Variants in CPS1 observed in about 807,000 individuals in gnomAD.
The protein encoded by CPS1 is carbamoyl-phosphate synthase 1.
Under a neutral mutation model 174.6 loss-of-function variants are expected in CPS1, and 109 were observed. The observed-to-expected ratio is 0.62, with a 90% confidence interval of 0.53 to 0.73. The LOEUF (loss-of-function observed/expected upper bound fraction) is 0.73, where lower values mean the gene tolerates loss of function less well. Among genes scored for constraint, CPS1 ranks in the 30% least tolerant of loss-of-function variants. CPS1 has a pLI of 0.00. For missense variants in CPS1, 1,689 were observed against 1,821.9 expected, an observed-to-expected ratio of 0.93 and a Z score of 1.33; for synonymous variants, 637 against 632.0, an observed-to-expected ratio of 1.01 and a Z score of -0.12.
At chr2:210,657,806 T>C (rs1006047700) in intron 30 of CPS1, among the ~76,000 whole-genome samples, 1 of 152,198 alleles carries the variant, frequency 6.6e-6, no homozygotes, top group South Asian at 2.1e-4. Context: ...CAGGATACTT[T>C]GTAATAGCAG....
At chr2:210,587,440 A>G (rs1021027122) in intron 6 of CPS1, among the ~76,000 whole-genome samples, 2 of 152,062 alleles carry the variant, frequency 1.3e-5, no homozygotes, top group African/African-American at 4.8e-5. Flanking sequence ...CGTGCTTCAG[A>G]CATAGATAAT....
At chr2:210,531,249 A>T (rs568768217) in intron 1 of CPS1, among the ~76,000 whole-genome samples, 4 of 152,192 alleles carry the variant, frequency 2.6e-5, no homozygotes, top group African/African-American at 9.6e-5. Context: ...CGGGGGAAAA[A>T]AGTACGAGCT....
At chr2:210,581,157 A>G (rs1426096022) in intron 5 of CPS1, among the ~76,000 whole-genome samples, 1 of 152,082 alleles carries the variant, frequency 6.6e-6, no homozygotes, top group Non-Finnish European at 1.5e-5. Context: ...CAGCCTAATG[A>G]TGTGTGTGAG....
At chr2:210,555,220 C>T (rs1013417483), upstream of CPS1, among the ~76,000 whole-genome samples, 2 of 151,982 alleles carry the variant, frequency 1.3e-5, no homozygotes, top group African/African-American at 2.4e-5. Context: ...GCCACGGCAT[C>T]CCTTCTGGGT....
intron 1 of CPS1, among the ~76,000 whole-genome samples, chr2:210,490,379 T>C (rs954201469): frequency 4.6e-5 from 7 of 152,212 alleles, no homozygotes; most frequent in Non-Finnish European, 1.0e-4. Flanking sequence ...TTATGTGACC[T>C]TCCTAGGTTG....
At chr2:210,664,743 A>G (rs771537265) in intron 33 of CPS1, among the ~76,000 whole-genome samples, 27 of 152,154 alleles carry the variant, frequency 1.8e-4, no homozygotes, top group African/African-American at 5.6e-4. Flanking sequence ...CCCCTTTGTT[A>G]TATCTGTTTC....
intron 19 of CPS1, among the ~76,000 whole-genome samples, chr2:210,610,319 G>T (rs1457959806): frequency 2.6e-5 from 4 of 151,864 alleles, no homozygotes; most frequent in Admixed American, 6.6e-5. Context: ...TAAAAGGTAG[G>T]GGGGAGTTTT....
chr2:210,546,374 T>C (rs149015394), intron 1 of CPS1, among the ~76,000 whole-genome samples: 1 of 152,202 alleles, frequency 6.6e-6, no homozygotes, highest in East Asian at 1.9e-4. Context: ...GAAAAATGAA[T>C]ATATTATATT....
chr2:210,564,269 TA>T (rs1328826069), intron 1 of CPS1, among the ~76,000 whole-genome samples: 1 of 152,198 alleles, frequency 6.6e-6, no homozygotes, highest in African/African-American at 2.4e-5. Context: ...TACTTATATG[TA>T]ACCCCCCCTC....
At chr2:210,572,891 G>A (rs1482869285) in intron 1 of CPS1, among the ~76,000 whole-genome samples, 2 of 151,998 alleles carry the variant, frequency 1.3e-5, no homozygotes, top group African/African-American at 2.4e-5. Context: ...ATGATGAGCT[G>A]TATGGTACAA....
intron 11 of CPS1, 80 bp from the exon 12 acceptor site, chr2:210,594,428 T>C: frequency 1.0e-6 from 1 of 955,020 alleles, no homozygotes; most frequent in Non-Finnish European, 1.6e-6. Flanking sequence ...GAAGTTCAAA[T>C]TTAACTGGGT....
intron 16 of CPS1, among the ~76,000 whole-genome samples, chr2:210,602,811 G>T (rs1025803773): frequency 6.6e-6 from 1 of 151,790 alleles, no homozygotes; most frequent in African/African-American, 2.4e-5. Flanking sequence ...CAAAATTAAG[G>T]TGTCTAAAAT....
intron 1 of CPS1, among the ~76,000 whole-genome samples, chr2:210,511,944 A>T (rs1291515374): frequency 6.6e-6 from 1 of 152,140 alleles, no homozygotes; most frequent in Admixed American, 6.6e-5. Context: ...GTCTTATTCT[A>T]CATGAGTCAT....
chr2:210,547,162 G>A (rs1696586276), intron 1 of CPS1, among the ~76,000 whole-genome samples: 1 of 152,038 alleles, frequency 6.6e-6, no homozygotes, highest in Non-Finnish European at 1.5e-5. Context: ...TCTGAAAATA[G>A]AAGTTAAAAA....
intron 28 of CPS1, among the ~76,000 whole-genome samples, chr2:210,651,094 T>C (rs763241660): frequency 3.9e-5 from 6 of 152,112 alleles, no homozygotes; most frequent in Non-Finnish European, 7.4e-5. Flanking sequence ...GATCTTGTAT[T>C]GTAGAGGATA....
intron 33 of CPS1, among the ~76,000 whole-genome samples, chr2:210,664,495 A>G (rs1055062455): frequency 1.3e-5 from 2 of 151,908 alleles, no homozygotes; most frequent in Non-Finnish European, 2.9e-5. Flanking sequence ...ATGCACCACC[A>G]CGCCCGGCTA....
At chr2:210,663,983 G>A (rs1440134440) in intron 33 of CPS1, among the ~76,000 whole-genome samples, 2 of 152,002 alleles carry the variant, frequency 1.3e-5, no homozygotes, top group Non-Finnish European at 2.9e-5. Context: ...ATACTTAATT[G>A]CAACAAAGTA....
At chr2:210,581,211 T>C (rs1363456268) in intron 5 of CPS1, among the ~76,000 whole-genome samples, 1 of 152,030 alleles carries the variant, frequency 6.6e-6, no homozygotes, top group Non-Finnish European at 1.5e-5. Flanking sequence ...AGGAATACAG[T>C]TGGGAAAATC....
chr2:210,541,315 C>T (rs1203270036), intron 1 of CPS1, among the ~76,000 whole-genome samples: 3 of 152,140 alleles, frequency 2.0e-5, no homozygotes, highest in Non-Finnish European at 2.9e-5. Flanking sequence ...CCTCCCAGAA[C>T]AAATTGTTGG....
Sources: allele counts gnomAD v4.1 joint callset (sites outside exome capture counted in the v4.1 genomes callset), GRCh38; gene constraint gnomAD v4.1.1; transcripts MANE v1.5; gene names NCBI Gene and HGNC (gene_info 2026-07-23, HGNC 2026-07-21).